Variants in CFAP74 observed in about 807,000 individuals in gnomAD.
CFAP74 encodes cilia and flagella associated protein 74, also known as cilia- and flagella-associated protein 74.
In CFAP74, 124 loss-of-function variants were observed where a neutral mutation model predicts 188.9. That is an observed-to-expected ratio of 0.66 (90% CI 0.57 to 0.76). The LOEUF (loss-of-function observed/expected upper bound fraction) is 0.76, where lower values mean the gene tolerates loss of function less well. Ranked by LOEUF, CFAP74 falls within the 30% of genes least tolerant of loss-of-function variation. CFAP74 has a pLI of 0.00. For missense variants in CFAP74, 2,198 were observed against 2,165.2 expected, an observed-to-expected ratio of 1.02 and a Z score of -0.30; for synonymous variants, 956 against 916.7, an observed-to-expected ratio of 1.04 and a Z score of -0.77.
rs199894647 is a variant in CFAP74, at chr1:1,972,029, C to T, written c.839G>A (p.Arg280Gln). ...CAGCGCCACCACCGCATCCATGCGT[C>T]GCCTCATGTACTCGTGGCACTCCAT... is the stretch of plus-strand genomic sequence containing the variant. ...EEMECHEYMR[R>Q]RMDAVVALKG... The change falls in exon 9 of 39, where the codon CGA becomes CAA. Residue 280 changes from arginine (R) to glutamine (Q), a missense_variant. By Grantham distance (43) the Arg-to-Gln change is conservative (BLOSUM62 1). Coordinates refer to ENST00000682832, the MANE Select transcript of CFAP74 (RefSeq NM_001304360.2). The T allele has an allele frequency of 4.3e-5, 69 of 1,612,874 alleles. No homozygotes were observed. The Middle Eastern group carries it at 4.9e-4, about 12-fold the overall frequency.
chr1:1,970,884 C>A, intron 9 of CFAP74, 68 bp from the exon 10 acceptor site: 1 of 1,561,532 alleles, frequency 6.4e-7, no homozygotes, highest in South Asian at 1.1e-5. Flanking sequence ...CTCACACCTG[C>A]ACATGTGCAC....
At position 1,968,445 on chromosome 1, in the gene CFAP74, G is replaced by A. The variant is rs772941992; in HGVS notation, c.1245+190C>T. Among the ~76,000 whole-genome samples the A allele has an allele frequency of 2.0e-5, 3 of 151,924 alleles. No homozygotes were observed. Among genetic ancestry groups the A allele is most frequent in the Non-Finnish European group, 4.4e-5 (3 of 67,942 alleles). The stretch of plus-strand genomic sequence containing the variant: ...TGCGGCCATGGGCCTCTCTCATGTG[G>A]TGGGTCCGTAGTGTGTCTTGTCCCC... On this transcript the variant is annotated intron_variant, in intron 11 of 38. Transcript: ENST00000682832. This position sits in a 1 kb window ranked among gnomAD's most constrained non-coding sequence, Gnocchi z 4.3.
chr1:1,976,744 T>C (rs1656473174), intron 6 of CFAP74, among the ~76,000 whole-genome samples: 2 of 152,064 alleles, frequency 1.3e-5, no homozygotes, highest in South Asian at 4.1e-4. Context: ...GGTTTCACCA[T>C]GTTGGCCGGG....
chr1:1,957,808 C>T (rs1248212295), intron 16 of CFAP74, among the ~76,000 whole-genome samples: 10 of 152,010 alleles, frequency 6.6e-5, no homozygotes, highest in African/African-American at 1.2e-4. Context: ...CCCTGGTGCT[C>T]GGTGTCCTGG....
At chr1:1,933,734 T>C (rs748660769) in intron 25 of CFAP74, among the ~76,000 whole-genome samples, 11 of 152,244 alleles carry the variant, frequency 7.2e-5, no homozygotes, top group Non-Finnish European at 1.0e-4. Flanking sequence ...GAAAGACTTT[T>C]AGTTTGTTGT....
At chr1:1,925,075 GAGGCATGAGGGCACACACTGGTGCGA>G (rs1187023273) in intron 33 of CFAP74, among the ~76,000 whole-genome samples, 31 of 142,974 alleles carry the variant, frequency 2.2e-4, no homozygotes, top group South Asian at 1.1e-3. Context: ...CACTGGTGCG[GAGGCATGAGGGCACACACTGGTGCGA>G]AGGCATGAGG....
intron 2 of CFAP74, among the ~76,000 whole-genome samples, chr1:1,990,040 T>A (rs540119356): frequency 1.3e-5 from 2 of 152,346 alleles, no homozygotes; most frequent in East Asian, 3.9e-4. Flanking sequence ...AGACTCCAGC[T>A]GTCTTCCATT....
At chr1:1,955,641 G>T in intron 18 of CFAP74, 50 bp downstream of exon 18, 1 of 1,607,910 alleles carries the variant, frequency 6.2e-7, no homozygotes, top group Non-Finnish European at 8.5e-7. Flanking sequence ...ATGCTGCCCT[G>T]AGGCCCTCAC....
chr1:1,927,247 G>A (rs1021455385), intron 28 of CFAP74: 2 of 618,116 alleles, frequency 3.2e-6, no homozygotes, highest in African/African-American at 1.8e-5. Flanking sequence ...CTGGAGGCTA[G>A]GGGTTGGGGC....
intron 37 of CFAP74, 33 bp downstream of exon 37, chr1:1,922,952 G>C: frequency 6.5e-7 from 1 of 1,540,420 alleles, no homozygotes; most frequent in Non-Finnish European, 8.7e-7. Context: ...CGAGGGGGCT[G>C]CCTGGTGTCC....
chr1:1,939,114 G>C, intron 24 of CFAP74, 126 bp from the exon 25 acceptor site: 1 of 1,017,792 alleles, frequency 9.8e-7, no homozygotes, highest in Non-Finnish European at 1.4e-6. Context: ...GAGGGTGAGA[G>C]TGTCGCTGTC....
intron 6 of CFAP74, among the ~76,000 whole-genome samples, chr1:1,974,457 C>T (rs927210510): frequency 1.4e-4 from 21 of 152,318 alleles, no homozygotes; most frequent in Admixed American, 9.1e-4. Flanking sequence ...TGCCACCTGC[C>T]GGCCTGAGGC....
Position 1,952,656 on chromosome 1 carries a change from A to G in CFAP74, c.2176+3035T>C, listed in dbSNP as rs58497406. 4.8e-3 allele frequency among the ~76,000 whole-genome samples: 714 copies of G among 150,054 alleles called. 8 individuals carry two copies. The highest frequency in any genetic ancestry group is 0.017 in the African/African-American group (671 of 39,424). ...GAGGAGATAATGGTTATGAATTACA[A>G]GACTCAATTTTTTTTTTTTAAGAGA... On this transcript the variant is annotated intron_variant, in intron 18 of 38. Coordinates refer to ENST00000682832, the MANE Select transcript of CFAP74 (RefSeq NM_001304360.2).
intron 1 of CFAP74, among the ~76,000 whole-genome samples, chr1:2,000,057 A>C (rs6685055): frequency 6.6e-6 from 1 of 151,698 alleles, no homozygotes; most frequent in South Asian, 2.1e-4. Flanking sequence ...CCAGCTCCTC[A>C]GGAGGTTGAA....
intron 16 of CFAP74, among the ~76,000 whole-genome samples, chr1:1,957,849 C>T (rs1654767853): frequency 6.6e-6 from 1 of 152,162 alleles, no homozygotes; most frequent in Non-Finnish European, 1.5e-5. Context: ...AGAGCCCGCA[C>T]AGCCGAGTGC....
chr1:1,971,268 TGCAAACCTGCACACACGTGCACATACAC>T (rs1410600088), intron 9 of CFAP74, among the ~76,000 whole-genome samples: 1 of 133,014 alleles, frequency 7.5e-6, no homozygotes, highest in Non-Finnish European at 1.5e-5. Flanking sequence ...TGCACACACA[TGCAAACCTGCACACACGTGCACATACAC>T]GCTCACACAT....
At chr1:1,981,612 C>T (rs1482511018) in intron 6 of CFAP74, among the ~76,000 whole-genome samples, 1 of 83,976 alleles carries the variant, frequency 1.2e-5, no homozygotes, top group Non-Finnish European at 2.3e-5. Context: ...GACACACAGC[C>T]GCGGACAGAC....
At chr1:1,927,999 C>A in intron 27 of CFAP74, 1 of 508,108 alleles carries the variant, frequency 2.0e-6, no homozygotes. Context: ...AGTGAGGAGG[C>A]GGCCAGAACC....
At chr1:1,922,522 G>C (rs774296604) in intron 38 of CFAP74, 67 bp downstream of exon 38, 82 of 1,582,310 alleles carry the variant, frequency 5.2e-5, no homozygotes, top group Admixed American at 8.9e-5. Flanking sequence ...GGACTGGGCA[G>C]GGGTGTCAGC....
Sources: gnomAD v4.1 joint callset for allele counts (sites outside exome capture counted in the v4.1 genomes callset) on GRCh38, gnomAD v4.1.1 for gene constraint, Gnocchi (gnomAD v3.1) non-coding constraint, MANE v1.5 for transcripts, NCBI Gene and HGNC (gene_info 2026-07-23, HGNC 2026-07-21) for gene names.